Variants in SEMA3A observed in about 807,000 individuals in gnomAD.
The protein encoded by SEMA3A is semaphorin 3A, also known as semaphorin-3A.
Under a neutral mutation model 97.9 loss-of-function variants are expected in SEMA3A, and 29 were observed. That is an observed-to-expected ratio of 0.30 (90% CI 0.22 to 0.40). The LOEUF (loss-of-function observed/expected upper bound fraction) is 0.40, where lower values mean the gene tolerates loss of function less well. Among genes scored for constraint, SEMA3A ranks in the 10% least tolerant of loss-of-function variants. SEMA3A has a pLI of 1.00. For missense variants in SEMA3A, 763 were observed against 951.3 expected (o/e 0.80, Z 2.60); for synonymous variants, 321 against 323.7 (o/e 0.99, Z 0.09).
intron 1 of SEMA3A, among the ~76,000 whole-genome samples, chr7:84,470,936 A>G (rs143814064): frequency 3.9e-5 from 6 of 152,190 alleles, no homozygotes; most frequent in Admixed American, 1.3e-4. Flanking sequence ...ATGATTCTCT[A>G]CTGGCTTGCA....
chr7:84,107,975 C>T (rs1294713574), intron 4 of SEMA3A, among the ~76,000 whole-genome samples: 6 of 152,104 alleles, frequency 3.9e-5, no homozygotes, highest in Admixed American at 3.3e-4. Context: ...GTGACAATTG[C>T]TAGCAAGCAA....
intron 2 of SEMA3A, among the ~76,000 whole-genome samples, chr7:84,357,450 A>C (rs1015525304): frequency 2.6e-5 from 4 of 151,966 alleles, no homozygotes; most frequent in Admixed American, 6.6e-5. Flanking sequence ...CCATGTCCCT[A>C]CAAAGGACAT....
chr7:84,111,024 GA>G (rs987621158), intron 3 of SEMA3A, among the ~76,000 whole-genome samples: 5 of 151,788 alleles, frequency 3.3e-5, no homozygotes, highest in African/African-American at 1.2e-4. Context: ...TTTAGGAAAA[GA>G]AAACAAAAAT....
At chr7:84,363,758 G>C (rs1279165449) in intron 2 of SEMA3A, among the ~76,000 whole-genome samples, 1 of 151,828 alleles carries the variant, frequency 6.6e-6, no homozygotes, top group Non-Finnish European at 1.5e-5. Flanking sequence ...GTATAGTCCT[G>C]ATTGGTCTAG....
At position 84,377,652 on chromosome 7, in the gene SEMA3A, G is replaced by A. The variant is rs369458630; in HGVS notation, c.-245-5752C>T. On this transcript the variant is annotated intron_variant, in intron 1 of 3. Coordinates refer to the SEMA3A transcript ENST00000424555. Reference sequence around the variant, plus strand: ...GACCCTGTTTGAAGCTAAGTAACTTGCCTGAGGTTGTACAATATTAAGTGG... The same window carrying A: ...GACCCTGTTTGAAGCTAAGTAACTTACCTGAGGTTGTACAATATTAAGTGG... Among the ~76,000 whole-genome samples, 135 of 152,258 alleles carry A rather than the reference G, an allele frequency of 8.9e-4. 1 individual carries two copies. The highest frequency in any genetic ancestry group is 3.0e-3 in the African/African-American group (125 of 41,550).
chr7:84,197,840 A>G (rs1302058194), upstream of SEMA3A, among the ~76,000 whole-genome samples: 1 of 147,882 alleles, frequency 6.8e-6, no homozygotes, highest in Non-Finnish European at 1.5e-5. Flanking sequence ...CCCGGGTTCA[A>G]GTAATTCTCC....
At chr7:84,368,015 G>A (rs113540387) in intron 2 of SEMA3A, among the ~76,000 whole-genome samples, 2,771 of 151,238 alleles carry the variant, frequency 0.018, 86 homozygotes, top group African/African-American at 0.063. Flanking sequence ...AAAAGTAGAA[G>A]TAATGCTTTC....
At chr7:84,017,589 C>T (rs530509789) in intron 6 of SEMA3A, among the ~76,000 whole-genome samples, 102 of 152,170 alleles carry the variant, frequency 6.7e-4, no homozygotes, top group African/African-American at 2.5e-3. Context: ...TAAAACAGGC[C>T]TTGATTTTAG....
At chr7:84,078,922 C>T (rs2040875) in intron 4 of SEMA3A, among the ~76,000 whole-genome samples, 22,117 of 151,852 alleles carry the variant, frequency 0.15, 1,721 homozygotes, top group African/African-American at 0.18. Context: ...TACGTAGATA[C>T]TAAGTGACTT....
At chr7:84,116,048 T>C (rs1795418720) in intron 3 of SEMA3A, among the ~76,000 whole-genome samples, 1 of 152,150 alleles carries the variant, frequency 6.6e-6, no homozygotes, top group Non-Finnish European at 1.5e-5. Context: ...GATGTAGCCT[T>C]AGGGAAAGAC....
intron 3 of SEMA3A, among the ~76,000 whole-genome samples, chr7:84,305,449 T>C (rs1437917148): frequency 6.6e-6 from 1 of 151,780 alleles, no homozygotes; most frequent in Non-Finnish European, 1.5e-5. Context: ...TAGTCATATT[T>C]GCTAAATATT....
At chr7:84,235,537 T>A (rs943528793) in intron 3 of SEMA3A, among the ~76,000 whole-genome samples, 2 of 152,066 alleles carry the variant, frequency 1.3e-5, no homozygotes, top group African/African-American at 4.8e-5. Context: ...TCTGCATGAA[T>A]AAATATTATT....
chr7:84,353,303 C>T (rs1206473208), intron 2 of SEMA3A, among the ~76,000 whole-genome samples: 1 of 151,384 alleles, frequency 6.6e-6, no homozygotes, highest in African/African-American at 2.4e-5. Context: ...GGCTACTGTA[C>T]TCTCTTTATA....
At chr7:84,216,999 A>C (rs1798768513) in intron 3 of SEMA3A, among the ~76,000 whole-genome samples, 1 of 152,220 alleles carries the variant, frequency 6.6e-6, no homozygotes, top group Non-Finnish European at 1.5e-5. Context: ...GATTCATGTT[A>C]ATTGTGCCAA....
intron 4 of SEMA3A, among the ~76,000 whole-genome samples, chr7:84,078,368 C>G (rs572449446): frequency 2.0e-5 from 3 of 152,108 alleles, no homozygotes; most frequent in African/African-American, 7.2e-5. Flanking sequence ...TATTATTTTG[C>G]ATTTTTAAAA....
intron 1 of SEMA3A, among the ~76,000 whole-genome samples, chr7:84,414,268 T>A (rs1317363594): frequency 6.6e-6 from 1 of 151,856 alleles, no homozygotes; most frequent in Admixed American, 6.6e-5. Flanking sequence ...ACTCTTAAAC[T>A]CCCCTAACCA....
At chr7:84,262,562 A>G (rs189787529) in intron 3 of SEMA3A, among the ~76,000 whole-genome samples, 1 of 152,304 alleles carries the variant, frequency 6.6e-6, no homozygotes, top group East Asian at 1.9e-4. Context: ...AACTTATTCA[A>G]CATTTAAAAG....
At chr7:84,310,463 G>C (rs589077) in intron 2 of SEMA3A, among the ~76,000 whole-genome samples, 106,808 of 151,764 alleles carry the variant, frequency 0.7, 37,758 homozygotes, top group East Asian at 0.79. Flanking sequence ...AACAAGCATA[G>C]TTTTCACTTG....
At chr7:84,016,064 T>A (rs183472244) in intron 6 of SEMA3A, among the ~76,000 whole-genome samples, 1 of 152,124 alleles carries the variant, frequency 6.6e-6, no homozygotes, top group African/African-American at 2.4e-5. Context: ...CATTCATATA[T>A]ATATATTATA....
Sources: allele counts gnomAD v4.1 joint callset (sites outside exome capture counted in the v4.1 genomes callset), GRCh38; gene constraint gnomAD v4.1.1; transcripts MANE v1.5; gene names NCBI Gene and HGNC (gene_info 2026-07-23, HGNC 2026-07-21).